Variants in POLE observed in about 807,000 individuals in gnomAD.
The protein encoded by POLE is DNA polymerase epsilon catalytic subunit A.
Under a neutral mutation model 279.2 loss-of-function variants are expected in POLE, and 188 were observed. That is an observed-to-expected ratio of 0.67 (90% CI 0.60 to 0.76). The LOEUF is 0.76. Among genes scored for constraint, POLE ranks in the 30% least tolerant of loss-of-function variants. The pLI, the probability that POLE is intolerant of heterozygous loss-of-function variation, is 0.00. For missense variants in POLE, 2,703 were observed against 3,016.7 expected (o/e 0.90, Z 2.44); for synonymous variants, 1,214 against 1,172.5 (o/e 1.04, Z -0.72).
Position 132,634,512 on chromosome 12 carries a change from C to T in POLE, c.5812-134G>A. The T allele has an allele frequency of 1.2e-6, 1 of 853,990 alleles. No individual in the cohort carries two copies. The highest frequency in any genetic ancestry group is 1.6e-5 in the South Asian group (1 of 61,188). The allele number at this position is 853,990 out of a possible 1,614,324, so 52.9% of individuals were successfully genotyped here. ...CCAGAGGCCTTCCTCGCAGTCAAGG[C>T]ATCCCCTGGAGCCTGCGTGAATCCC... On this transcript the variant is annotated intron_variant, in intron 42 of 48. Coordinates refer to ENST00000320574, the MANE Select transcript of POLE (RefSeq NM_006231.4). This position sits in a 1 kb window ranked among gnomAD's most constrained non-coding sequence, Gnocchi z 4.0.
chr12:132,685,734 G>A (rs1474707358), intron 1 of POLE, among the ~76,000 whole-genome samples: 1 of 152,232 alleles, frequency 6.6e-6, no homozygotes, highest in Admixed American at 6.5e-5. Flanking sequence ...AAGGGTACCT[G>A]CCTCTCTAGG....
At chr12:132,670,114 G>C (rs944951125) in intron 16 of POLE, among the ~76,000 whole-genome samples, 2 of 152,008 alleles carry the variant, frequency 1.3e-5, no homozygotes, top group East Asian at 3.9e-4. Context: ...GCTCACGCCT[G>C]TAATCCCAGC....
chr12:132,652,188 CAA>C (rs907261012), intron 29 of POLE, among the ~76,000 whole-genome samples: 2 of 152,084 alleles, frequency 1.3e-5, no homozygotes, highest in African/African-American at 4.8e-5. Context: ...ACAGACTACA[CAA>C]GATTTAACTT....
chr12:132,635,633 G>A (rs1350854317), intron 42 of POLE, among the ~76,000 whole-genome samples: 3 of 152,216 alleles, frequency 2.0e-5, no homozygotes, highest in Admixed American at 1.3e-4. Context: ...ATCAGCTCTC[G>A]GATTCCCTGT....
chr12:132,682,544 T>C (rs913139700), intron 1 of POLE, among the ~76,000 whole-genome samples: 20 of 152,046 alleles, frequency 1.3e-4, no homozygotes, highest in African/African-American at 4.6e-4. Context: ...TCAATGTCAA[T>C]TTCTTAGTTG....
At chr12:132,636,440 G>GAAAAAAA (rs2042034302) in intron 41 of POLE, among the ~76,000 whole-genome samples, 1 of 70,364 alleles carries the variant, frequency 1.4e-5, no homozygotes, top group Non-Finnish European at 3.0e-5. Flanking sequence ...ATCCATTTAA[G>GAAAAAAA]GAAAAAAAAA....
chr12:132,673,291 G>A lies in POLE; in HGVS notation c.1360-14C>T, dbSNP rs757413516. The A allele has an allele frequency of 7.1e-6, 11 of 1,539,602 alleles. No individual in the cohort carries two copies. The highest frequency in any genetic ancestry group is 5.5e-5 in the African/African-American group (4 of 73,378). ...CGTGGCCAGAGTCTGAGGAGAGAAC[G>A]CCAGAGAGCAGGGCCATCAAAAATC... On this transcript the variant is annotated splice_polypyrimidine_tract_variant and intron_variant, in intron 13 of 48. Coordinates refer to ENST00000320574, the MANE Select transcript of POLE (RefSeq NM_006231.4).
In POLE at chr12:132,642,956, G is replaced by C. The variant is rs1555222764; in HGVS notation, c.4592C>G (p.Ser1531Ter). Residue 1531 changes from serine (S) to a stop codon, truncating the protein, a stop_gained, in exon 36 of 49, where the codon TCA (serine) becomes TGA (stop). Coordinates refer to ENST00000320574, the MANE Select transcript of POLE (RefSeq NM_006231.4). LOFTEE classifies it high-confidence loss of function. ...NQMPSLGALY[S>*]AEHGLLLEKV... is the part of the protein sequence containing the mutation. Reference sequence around the variant, plus strand: ...CTCCAGGAGGAGGCCGTGCTCTGCTGAGTACAGGGCGCCAAGGCTGGGCAT... The same window carrying C: ...CTCCAGGAGGAGGCCGTGCTCTGCTCAGTACAGGGCGCCAAGGCTGGGCAT... 1 of 1,609,138 alleles carries C rather than the reference G, an allele frequency of 6.2e-7. No individual in the cohort carries two copies. Among genetic ancestry groups the C allele is most frequent in the Non-Finnish European group, 8.5e-7 (1 of 1,178,568 alleles).
chr12:132,674,973 A>C (rs764650148), intron 12 of POLE, among the ~76,000 whole-genome samples: 2 of 151,722 alleles, frequency 1.3e-5, no homozygotes, highest in Non-Finnish European at 2.9e-5. Context: ...AGAGCCCCCG[A>C]ACGCCGTGAC....
chr12:132,633,961 C>T, intron 43 of POLE: 1 of 459,704 alleles, frequency 2.2e-6, no homozygotes, highest in Non-Finnish European at 3.8e-6. Flanking sequence ...TTCCTGAGAG[C>T]AAAGGCTGGA....
intron 45 of POLE, among the ~76,000 whole-genome samples, chr12:132,626,898 T>A (rs2041850949): frequency 6.6e-6 from 1 of 152,238 alleles, no homozygotes; most frequent in Admixed American, 6.5e-5. Context: ...TGGACTAACA[T>A]CACAATAAAG....
intron 40 of POLE, 109 bp from the exon 41 acceptor site, chr12:132,638,248 G>A (rs2042074548): frequency 1.1e-6 from 1 of 950,514 alleles, no homozygotes; most frequent in Non-Finnish European, 1.5e-6. Context: ...AAGCAGAAAA[G>A]CCTCCGAGAT....
chr12:132,680,626 T>A lies in POLE; in HGVS notation c.266A>T (p.Asp89Val). The A allele has an allele frequency of 6.2e-7, 1 of 1,614,002 alleles. No homozygotes were observed. The highest frequency in any genetic ancestry group is 8.5e-7 in the Non-Finnish European group (1 of 1,179,842). Residue 89 changes from aspartate to valine, a missense_variant, in exon 3 of 49, where the codon GAT (aspartate) becomes GTT (valine). Coordinates refer to ENST00000320574, the MANE Select transcript of POLE (RefSeq NM_006231.4). ...GSAVDYYFIQ[D>V]DGSRFKVALP... is the part of the protein sequence containing the mutation. ...GCTTACCTTAAATCTGCTTCCGTCA[T>A]CTTGAATAAAGTAGTAATCCACTGC...
Position 132,675,761 on chromosome 12 carries a change from G to A in POLE, c.1080C>T (p.Val360=). The stretch of plus-strand genomic sequence containing the variant: ...AGTCAAAAAAGTCCCCGTTGTAGGT[G>A]ACCATGATGGTGGGTTTGGTCTCCT... ...HVQETKPTIM[V]TYNGDFFDWP... is the part of the protein sequence containing the mutation. Residue 360 remains valine (V), a synonymous_variant, in exon 11 of 49, where the codon GTC becomes GTT. Coordinates refer to ENST00000320574, the MANE Select transcript of POLE (RefSeq NM_006231.4). This position sits in a 1 kb window ranked among gnomAD's most constrained non-coding sequence, Gnocchi z 4.3. The A allele has an allele frequency of 6.2e-7, 1 of 1,614,130 alleles. No homozygotes were observed. The highest frequency in any genetic ancestry group is 8.5e-7 in the Non-Finnish European group (1 of 1,179,972).
chr12:132,635,269 G>C (rs2042008803), intron 42 of POLE, among the ~76,000 whole-genome samples: 1 of 152,102 alleles, frequency 6.6e-6, no homozygotes, highest in African/African-American at 2.4e-5. Context: ...GCCCGCACCT[G>C]GGCATTTACA....
rs2042844695 is a variant in POLE at position 132,668,412 on chromosome 12, G to A, written c.2117C>T (p.Ala706Val). The A allele has an allele frequency of 6.2e-7, 1 of 1,612,368 alleles. No individual in the cohort carries two copies. The highest frequency in any genetic ancestry group is 1.1e-5 in the South Asian group (1 of 90,858). Residue 706 changes from alanine (A) to valine (V), a missense_variant, in exon 19 of 49, where the codon GCC (alanine) becomes GTC (valine). Ala to Val is a moderately conservative substitution (Grantham distance 64). Coordinates refer to ENST00000320574, the MANE Select transcript of POLE (RefSeq NM_006231.4). The surrounding 1 kb of genome is among the most constrained non-coding windows in gnomAD (Gnocchi z 4.0). Reference sequence around the variant, plus strand: ...TTCCTCGCGGGACAGTTCATGAAAGGCCCGAGCTGGCCCCTCTGGGAACAA... The same window carrying A: ...TTCCTCGCGGGACAGTTCATGAAAGACCCGAGCTGGCCCCTCTGGGAACAA... ...PPLFPEGPAR[A>V]FHELSREEQA...
At position 132,672,215 on chromosome 12, in the gene POLE, C is replaced by T. The variant is rs1379550837; in HGVS notation, c.1794G>A (p.Glu598=). 3.1e-6 allele frequency: 5 copies of T among 1,609,892 alleles called. No individual in the cohort carries two copies. The highest frequency in any genetic ancestry group is 4.3e-6 in the Non-Finnish European group (5 of 1,176,210). Residue 598 remains glutamate (E), a splice_region_variant and synonymous_variant, in exon 16 of 49, where the codon GAG becomes GAA. Transcript: ENST00000320574. ...VPVEQVTNFE[E]VCDEIKSKLA... ...CTCTTCCTGCCTCCCTGATGGTTAC[C>T]TCTTCAAAGTTGGTGACTTGCTCCA...
intron 25 of POLE, 175 bp from the exon 26 acceptor site, chr12:132,659,684 C>T (rs1189705712): frequency 3.3e-5 from 20 of 597,180 alleles, no homozygotes; most frequent in Non-Finnish European, 5.9e-5. Flanking sequence ...CACACACACA[C>T]AAAACTTTAG....
rs1425550976 is a variant in POLE at position 132,643,797 on chromosome 12, G to A, written c.4290+40C>T. 5 of 1,600,970 alleles carry A rather than the reference G, an allele frequency of 3.1e-6. No homozygotes were observed. In the South Asian group the frequency reaches 3.3e-5, roughly 11 times the overall value. The stretch of plus-strand genomic sequence containing the variant: ...TTCTTTCCTCCATACCACCCTGCTG[G>A]AGCCTCCCCCAGTTCAGTCGAGGGT... On this transcript the variant is annotated intron_variant, in intron 33 of 48. Transcript: ENST00000320574.
Sources: gnomAD v4.1 joint callset for allele counts (sites outside exome capture counted in the v4.1 genomes callset) on GRCh38, gnomAD v4.1.1 for gene constraint, Gnocchi (gnomAD v3.1) non-coding constraint, MANE v1.5 for transcripts, NCBI Gene and HGNC (gene_info 2026-07-23, HGNC 2026-07-21) for gene names.